VPS13A: variants seen among roughly 807,000 people sequenced by gnomAD.
VPS13A encodes intermembrane lipid transfer protein VPS13A.
VPS13A carries 264 observed loss-of-function variants against 390.9 expected under a neutral mutation model. That is an observed-to-expected ratio of 0.68 (90% CI 0.61 to 0.75). VPS13A has a LOEUF of 0.75. VPS13A is among the 30% of genes least tolerant of loss of function. The pLI is 0.00. For missense variants in VPS13A, 3,409 were observed against 3,733.9 expected (o/e 0.91, Z 2.27); for synonymous variants, 1,231 against 1,227.1 (o/e 1.00, Z -0.07).
At chr9:77,223,860 A>G (rs1046285781) in intron 13 of VPS13A, among the ~76,000 whole-genome samples, 2 of 152,144 alleles carry the variant, frequency 1.3e-5, no homozygotes, top group East Asian at 3.9e-4. Context: ...CTGAGAGAGG[A>G]TGCCATCTGA....
intron 67 of VPS13A, among the ~76,000 whole-genome samples, chr9:77,381,199 A>G (rs1833414825): frequency 6.6e-6 from 1 of 152,154 alleles, no homozygotes; most frequent in African/African-American, 2.4e-5. Context: ...ATTGGAGTGC[A>G]GTGGCATGGG....
chr9:77,289,396 T>A (rs577665756), intron 31 of VPS13A, among the ~76,000 whole-genome samples: 2 of 152,342 alleles, frequency 1.3e-5, no homozygotes, highest in South Asian at 4.1e-4. Context: ...TAATTTTGTT[T>A]ATCCTATTGT....
intron 69 of VPS13A, among the ~76,000 whole-genome samples, chr9:77,405,291 G>C (rs1036469082): frequency 5.9e-5 from 9 of 152,108 alleles, no homozygotes; most frequent in Admixed American, 2.0e-4. Context: ...GGTTAGAAAA[G>C]CTTTTTTCTG....
At position 77,337,360 on chromosome 9, in the gene VPS13A, T is replaced by C; in HGVS notation, c.6201T>C (p.Cys2067=). 1.9e-6 allele frequency: 3 copies of C among 1,612,876 alleles called. No individual in the cohort carries two copies. The highest frequency in any genetic ancestry group is 2.5e-6 in the Non-Finnish European group (3 of 1,179,080). Reference sequence around the variant, plus strand: ...ATGGTGCTCTTCTAAAGAAGAAATGTAGATCTAAAAACCCTTCTAAGGAAT... The same window carrying C: ...ATGGTGCTCTTCTAAAGAAGAAATGCAGATCTAAAAACCCTTCTAAGGAAT... ...KNDGALLKKK[C]RSKNPSKESF... Residue 2067 remains cysteine (C), a synonymous_variant, in exon 47 of 72, where the codon TGT becomes TGC. Transcript: ENST00000360280.
chr9:77,413,657 A>G (rs542123643), intron 71 of VPS13A, among the ~76,000 whole-genome samples: 2 of 152,328 alleles, frequency 1.3e-5, no homozygotes, highest in East Asian at 1.9e-4. Flanking sequence ...AACTTAGGCA[A>G]TACCATTCAG....
intron 24 of VPS13A, among the ~76,000 whole-genome samples, chr9:77,275,294 A>G (rs1320548228): frequency 6.6e-6 from 1 of 152,270 alleles, no homozygotes; most frequent in East Asian, 1.9e-4. Flanking sequence ...ATGTTATTTA[A>G]AAGTAGAGTA....
chr9:77,368,583 T>C (rs376072180), intron 62 of VPS13A, among the ~76,000 whole-genome samples: 3 of 152,140 alleles, frequency 2.0e-5, no homozygotes, highest in African/African-American at 2.4e-5. Context: ...GTATCTGATA[T>C]AGCTGTGGTA....
intron 63 of VPS13A, 84 bp from the exon 64 acceptor site, chr9:77,370,173 C>T: frequency 6.8e-7 from 1 of 1,461,492 alleles, no homozygotes; most frequent in South Asian, 1.2e-5. Flanking sequence ...TTGTTACTAC[C>T]TCTTTCGTCG....
At chr9:77,208,376 T>A (rs1451572327) in intron 5 of VPS13A, among the ~76,000 whole-genome samples, 4 of 152,096 alleles carry the variant, frequency 2.6e-5, no homozygotes, top group Non-Finnish European at 5.9e-5. Context: ...AAAGATAGAT[T>A]TATATGTATT....
chr9:77,402,711 G>C (rs1010588991), intron 68 of VPS13A, among the ~76,000 whole-genome samples: 1 of 152,096 alleles, frequency 6.6e-6, no homozygotes, highest in Non-Finnish European at 1.5e-5. Context: ...TGATTCAAAG[G>C]CTAAGTAAGC....
intron 13 of VPS13A, among the ~76,000 whole-genome samples, chr9:77,225,223 AACAT>A (rs1564644433): frequency 1.3e-5 from 2 of 152,166 alleles, no homozygotes; most frequent in Non-Finnish European, 2.9e-5. Flanking sequence ...TCTTAATGAT[AACAT>A]ACAGGCTGTA....
Position 77,283,293 on chromosome 9 carries a change from T to C in VPS13A, c.3119-62T>C, listed in dbSNP as rs576450436. ...GGTGATATTTCAGTTACTTTATAAG[T>C]ATAGTGAGGTAACTACTAAATGTTT... On this transcript the variant is annotated intron_variant, in intron 29 of 71. Coordinates refer to ENST00000360280, the MANE Select transcript of VPS13A (RefSeq NM_033305.3). The C allele has an allele frequency of 8.6e-6, 8 of 928,138 alleles. No individual in the cohort carries two copies. In the East Asian group the frequency reaches 1.7e-4, roughly 20 times the overall value. The allele number at this position is 928,138 out of a possible 1,614,324, so 57.5% of individuals were successfully genotyped here. A position where few individuals can be genotyped will look rare whatever the true frequency, so the allele number is the denominator to read the frequency against.
intron 63 of VPS13A, 55 bp downstream of exon 63, chr9:77,369,467 T>C (rs1248045609): frequency 1.8e-6 from 2 of 1,132,490 alleles, no homozygotes; most frequent in Admixed American, 3.4e-5. Context: ...TTTGAATAGA[T>C]AATACTTTTC....
chr9:77,314,672 T>G lies in VPS13A; in HGVS notation c.4412+8T>G. 6.2e-7 allele frequency: 1 copy of G among 1,609,826 alleles called. No homozygotes were observed. Among genetic ancestry groups the G allele is most frequent in the Middle Eastern group, 1.7e-4 (1 of 6,036 alleles). On this transcript the variant is annotated splice_region_variant and intron_variant, in intron 37 of 71. Transcript: ENST00000360280. ...CAAGAAAGCAACTCCTCGGTATGTA[T>G]TGTAATGATGTTCTAAGGTTTTACT...
At chr9:77,200,733 G>A (rs982353534) in intron 2 of VPS13A, among the ~76,000 whole-genome samples, 8 of 151,960 alleles carry the variant, frequency 5.3e-5, no homozygotes, top group African/African-American at 1.7e-4. Context: ...TTTTTTAATT[G>A]CTTGTGCTTT....
chr9:77,241,062 G>A (rs529743482), intron 19 of VPS13A, among the ~76,000 whole-genome samples: 2 of 152,180 alleles, frequency 1.3e-5, no homozygotes, highest in African/African-American at 2.4e-5. Flanking sequence ...TGAGTACTGG[G>A]ATTTTTAATG....
intron 59 of VPS13A, among the ~76,000 whole-genome samples, chr9:77,360,935 A>T (rs1053598391): frequency 1.3e-5 from 2 of 152,034 alleles, no homozygotes. Flanking sequence ...TTTCACTTTA[A>T]TAATTTAGAA....
chr9:77,213,404 T>A, intron 9 of VPS13A, 90 bp downstream of exon 9: 1 of 1,069,082 alleles, frequency 9.4e-7, no homozygotes. Flanking sequence ...CTGTAGTCAG[T>A]ATTTTTTCCT....
chr9:77,186,497 G>A (rs1824345228), intron 1 of VPS13A, among the ~76,000 whole-genome samples: 1 of 151,930 alleles, frequency 6.6e-6, no homozygotes, highest in Non-Finnish European at 1.5e-5. Flanking sequence ...GAGTGCAGTG[G>A]CGCAGTCTCT....
Sources: allele counts gnomAD v4.1 joint callset (sites outside exome capture counted in the v4.1 genomes callset), GRCh38; gene constraint gnomAD v4.1.1; transcripts MANE v1.5; gene names NCBI Gene and HGNC (gene_info 2026-07-23, HGNC 2026-07-21).